KCNAB1: variants seen among roughly 807,000 people sequenced by gnomAD.
KCNAB1 encodes the protein voltage-gated potassium channel subunit beta-1.
KCNAB1 carries 35 observed loss-of-function variants against 64.6 expected under a neutral mutation model. The observed-to-expected ratio is 0.54, with a 90% CI of 0.41 to 0.72. KCNAB1 has a LOEUF of 0.72. Among genes scored for constraint, KCNAB1 ranks in the 30% least tolerant of loss-of-function variants. The pLI is 0.00. For missense variants in KCNAB1, 401 were observed against 512.9 expected (o/e 0.78, Z 2.11); for synonymous variants, 177 against 183.8 (o/e 0.96, Z 0.30).
At position 156,234,437 on chromosome 3, in the gene KCNAB1, G is replaced by T. The variant is rs188891636; in HGVS notation, c.275+113551G>T. ...GCAGAAGGCTTAACCCTACCTAGATGCAGGACAGTTCATCCATAGGAATAG... is the reference window on the plus strand; with the variant it reads ...GCAGAAGGCTTAACCCTACCTAGATTCAGGACAGTTCATCCATAGGAATAG... On this transcript the variant is annotated intron_variant, in intron 1 of 13. Transcript: ENST00000490337. Among the ~76,000 whole-genome samples the T allele has an allele frequency of 1.3e-3, 199 of 152,242 alleles. No individual in the cohort carries two copies. The South Asian group carries it at 0.016, about 12-fold the overall frequency.
chr3:156,256,203 G>T (rs1298021618), intron 1 of KCNAB1, among the ~76,000 whole-genome samples: 2 of 152,150 alleles, frequency 1.3e-5, no homozygotes, highest in Non-Finnish European at 2.9e-5. Context: ...GCACCTAATT[G>T]TATTCCTGAT....
chr3:156,375,208 G>A (rs1212838920), intron 1 of KCNAB1, among the ~76,000 whole-genome samples: 1 of 135,562 alleles, frequency 7.4e-6, no homozygotes, highest in Non-Finnish European at 1.5e-5. Context: ...CTAGTTAATA[G>A]AGCTGGTGAG....
chr3:156,163,160 AGTG>A (rs1716180506), intron 1 of KCNAB1, among the ~76,000 whole-genome samples: 1 of 152,220 alleles, frequency 6.6e-6, no homozygotes, highest in South Asian at 2.1e-4. Context: ...CAGTTTCGTC[AGTG>A]GCATTACCCA....
chr3:156,252,307 C>T (rs976563634), intron 1 of KCNAB1, among the ~76,000 whole-genome samples: 1 of 152,226 alleles, frequency 6.6e-6, no homozygotes, highest in East Asian at 1.9e-4. Flanking sequence ...GGTGGCTTTT[C>T]TTTTATCTCT....
chr3:156,151,931 A>G (rs1287181529), intron 1 of KCNAB1, among the ~76,000 whole-genome samples: 1 of 152,174 alleles, frequency 6.6e-6, no homozygotes. Context: ...TTCAGGAGAA[A>G]TTAATTTTAG....
chr3:156,275,043 CAA>C (rs1719259514), intron 1 of KCNAB1, among the ~76,000 whole-genome samples: 2 of 152,140 alleles, frequency 1.3e-5, no homozygotes, highest in South Asian at 4.1e-4. Context: ...AGGCTCCTGG[CAA>C]CCATCATTCT....
In KCNAB1 at chr3:156,390,533, T is replaced by TTTCCTTCCTTCCTTCCTTCC. The variant is rs149026130; in HGVS notation, c.276-31082_276-31063dup. 7.8e-3 allele frequency among the ~76,000 whole-genome samples: 1,177 copies of TTTCCTTCCTTCCTTCCTTCC among 150,934 alleles called. 13 individuals carry two copies. Among genetic ancestry groups the TTTCCTTCCTTCCTTCCTTCC allele is most frequent in the African/African-American group, 0.027 (1,114 of 40,768 alleles). On this transcript the variant is annotated intron_variant, in intron 1 of 13. Transcript: ENST00000490337. ...AAACTCCACTTTTCTTTGTGGTTGG[T>TTTCCTTCCTTCCTTCCTTCC]TTCCTTCCTTCCTTCCTTCCCTCCC...
chr3:156,281,750 C>T (rs1430644141), intron 1 of KCNAB1, among the ~76,000 whole-genome samples: 2 of 150,828 alleles, frequency 1.3e-5, no homozygotes, highest in Non-Finnish European at 3.0e-5. Flanking sequence ...AGTTTATTTG[C>T]GTAGAGGTGT....
At chr3:156,159,719 T>G (rs1715962888) in intron 1 of KCNAB1, among the ~76,000 whole-genome samples, 1 of 152,224 alleles carries the variant, frequency 6.6e-6, no homozygotes, top group Non-Finnish European at 1.5e-5. Context: ...GTAAGTTTTC[T>G]GAGGCTTGAA....
At chr3:156,273,404 G>A (rs960581443) in intron 1 of KCNAB1, 11 of 329,618 alleles carry the variant, frequency 3.3e-5, no homozygotes, top group African/African-American at 2.0e-4. Flanking sequence ...CTGCTGGGAT[G>A]GGTAATTCCC....
At chr3:156,241,005 G>A (rs1458391830) in intron 1 of KCNAB1, among the ~76,000 whole-genome samples, 2 of 152,180 alleles carry the variant, frequency 1.3e-5, no homozygotes, top group African/African-American at 4.8e-5. Flanking sequence ...AGGTGAGGGA[G>A]CTGGGGTATT....
intron 1 of KCNAB1, among the ~76,000 whole-genome samples, chr3:156,379,719 G>C (rs895632886): frequency 3.3e-5 from 5 of 152,172 alleles, no homozygotes; most frequent in Non-Finnish European, 7.3e-5. Flanking sequence ...CTTCACCAGC[G>C]GGTTTTGAGC....
intron 2 of KCNAB1, among the ~76,000 whole-genome samples, chr3:156,435,249 T>C (rs891582300): frequency 2.6e-5 from 4 of 152,212 alleles, no homozygotes; most frequent in East Asian, 1.9e-4. Context: ...TGCTTTATTT[T>C]CTTTTTGAAG....
chr3:156,217,153 A>G (rs1226070378), intron 1 of KCNAB1: 1 of 152,136 alleles, frequency 6.6e-6, no homozygotes, highest in Admixed American at 6.5e-5. Context: ...CGTCAAACAG[A>G]CTCCACTGCT....
At chr3:156,247,823 C>T (rs982073158) in intron 1 of KCNAB1, among the ~76,000 whole-genome samples, 5 of 152,160 alleles carry the variant, frequency 3.3e-5, no homozygotes, top group African/African-American at 4.8e-5. Flanking sequence ...CCTCCGCCTC[C>T]CAAAGTGCTG....
At chr3:156,246,464 G>C (rs985064469) in intron 1 of KCNAB1, among the ~76,000 whole-genome samples, 1 of 152,058 alleles carries the variant, frequency 6.6e-6, no homozygotes, top group East Asian at 1.9e-4. Context: ...TTAGCCGGGT[G>C]TGGTGGCGCA....
At chr3:156,367,199 G>A (rs1220764802) in intron 1 of KCNAB1, among the ~76,000 whole-genome samples, 31 of 145,668 alleles carry the variant, frequency 2.1e-4, no homozygotes, top group African/African-American at 6.4e-4. Context: ...TTTCTGAGGC[G>A]GAGTCTCGCT....
intron 13 of KCNAB1, among the ~76,000 whole-genome samples, chr3:156,533,490 G>C (rs1206800894): frequency 2.0e-5 from 3 of 152,198 alleles, no homozygotes; most frequent in Non-Finnish European, 4.4e-5. Context: ...CACTGACGTG[G>C]AGAGACAGGC....
chr3:156,224,431 G>A (rs987448957), intron 1 of KCNAB1, among the ~76,000 whole-genome samples: 10 of 152,222 alleles, frequency 6.6e-5, no homozygotes, highest in South Asian at 2.1e-4. Context: ...CGCCAAGGCC[G>A]AGGAGGCGCC....
Sources: allele counts gnomAD v4.1 joint callset (sites outside exome capture counted in the v4.1 genomes callset), GRCh38; gene constraint gnomAD v4.1.1; transcripts MANE v1.5; gene names NCBI Gene and HGNC (gene_info 2026-07-23, HGNC 2026-07-21).